SGCZ: variants seen among roughly 807,000 people sequenced by gnomAD.
SGCZ encodes the protein sarcoglycan zeta.
Under a neutral mutation model 41.3 loss-of-function variants are expected in SGCZ, and 40 were observed. That is an observed-to-expected ratio of 0.97 (90% CI 0.75 to 1.26). The LOEUF is 1.26. Ranked by LOEUF, SGCZ falls within the 50% of genes most tolerant of loss-of-function variation. The pLI, the probability that SGCZ is intolerant of heterozygous loss-of-function variation, is 0.00. For missense variants in SGCZ, 552 were observed against 369.8 expected (o/e 1.49, Z -4.04); for synonymous variants, 206 against 137.5 (o/e 1.50, Z -3.49).
chr8:14,624,933 C>T (rs1010460615), intron 1 of SGCZ, among the ~76,000 whole-genome samples: 1 of 152,048 alleles, frequency 6.6e-6, no homozygotes, highest in Non-Finnish European at 1.5e-5. Context: ...AGGTATAGAT[C>T]GTCCTTGATA....
intron 1 of SGCZ, among the ~76,000 whole-genome samples, chr8:15,010,614 A>G (rs907421170): frequency 9.2e-5 from 14 of 152,220 alleles, no homozygotes; most frequent in South Asian, 2.1e-4. Context: ...ATGAGGGTTG[A>G]CTGGAATGAA....
At chr8:14,102,094 ATATATAT>A (rs1166894451) in intron 7 of SGCZ, among the ~76,000 whole-genome samples, 1 of 104,152 alleles carries the variant, frequency 9.6e-6, no homozygotes, top group Non-Finnish European at 1.9e-5. Context: ...ATATATATAT[ATATATAT>A]ATAATTTTTT....
intron 2 of SGCZ, among the ~76,000 whole-genome samples, chr8:14,327,083 T>C (rs1326629039): frequency 6.6e-6 from 1 of 152,218 alleles, no homozygotes; most frequent in East Asian, 1.9e-4. Flanking sequence ...GTTACCAAAA[T>C]AGTGCATAGT....
chr8:14,592,280 A>G (rs926649887), intron 1 of SGCZ, among the ~76,000 whole-genome samples: 3 of 152,174 alleles, frequency 2.0e-5, no homozygotes, highest in Non-Finnish European at 2.9e-5. Flanking sequence ...ATCTTCAACA[A>G]TGAAGAATAA....
At chr8:14,652,958 T>A (rs1358508029) in intron 1 of SGCZ, among the ~76,000 whole-genome samples, 1 of 152,098 alleles carries the variant, frequency 6.6e-6, no homozygotes, top group Non-Finnish European at 1.5e-5. Flanking sequence ...TGAATATGGA[T>A]CATGTACATG....
At chr8:14,259,377 T>C (rs893112923) in intron 3 of SGCZ, among the ~76,000 whole-genome samples, 8 of 151,774 alleles carry the variant, frequency 5.3e-5, no homozygotes, top group Admixed American at 4.6e-4. Context: ...AGACATGAAG[T>C]CCTTGCCCAT....
In SGCZ at chr8:14,281,986, T is replaced by G. The variant is rs1220050233; in HGVS notation, c.336+42117A>C. Among the ~76,000 whole-genome samples the G allele has an allele frequency of 9.9e-5, 15 of 152,272 alleles. No homozygotes were observed. The East Asian group carries it at 2.3e-3, about 24-fold the overall frequency. On this transcript the variant is annotated intron_variant, in intron 3 of 7. Transcript: ENST00000382080. ...TCAATCCCCTTCTACAACATTGATC[T>G]AACCAAATGATTTCAGCTTAGTTTA...
chr8:14,450,270 G>C (rs1472659578), intron 2 of SGCZ, among the ~76,000 whole-genome samples: 2 of 152,124 alleles, frequency 1.3e-5, no homozygotes, highest in Admixed American at 1.3e-4. Flanking sequence ...ACCAAGCATC[G>C]TGATTCTTTC....
chr8:14,131,893 A>C (rs1490969350), intron 5 of SGCZ, among the ~76,000 whole-genome samples: 1 of 152,166 alleles, frequency 6.6e-6, no homozygotes, highest in Non-Finnish European at 1.5e-5. Flanking sequence ...ACCTAGGAGC[A>C]GTAGGTTATT....
intron 3 of SGCZ, among the ~76,000 whole-genome samples, chr8:14,268,031 C>G: frequency 6.6e-6 from 1 of 151,050 alleles, no homozygotes; most frequent in East Asian, 1.9e-4. Flanking sequence ...AAAGTTATAG[C>G]CTAATTTACT....
chr8:14,941,861 C>A lies in SGCZ; in HGVS notation c.39+295724G>T, dbSNP rs561947563. ...TATATATGTGTAAATATATGTACACCTTTATTCTATATTTTATATATATGT... is the reference window on the plus strand; with the variant it reads ...TATATATGTGTAAATATATGTACACATTTATTCTATATTTTATATATATGT... On this transcript the variant is annotated intron_variant, in intron 1 of 7. Coordinates refer to ENST00000382080, the MANE Select transcript of SGCZ (RefSeq NM_139167.4). Among the ~76,000 whole-genome samples, 3 of 150,866 alleles carry A rather than the reference C, an allele frequency of 2.0e-5. No homozygotes were observed. The South Asian group carries it at 6.3e-4, about 32-fold the overall frequency.
intron 2 of SGCZ, among the ~76,000 whole-genome samples, chr8:14,440,749 ACG>A (rs1414306101): frequency 4.8e-5 from 7 of 146,734 alleles, no homozygotes; most frequent in Admixed American, 1.4e-4. Flanking sequence ...GTATATACAT[ACG>A]TATACACGTA....
intron 1 of SGCZ, among the ~76,000 whole-genome samples, chr8:14,596,963 T>C (rs1805432446): frequency 6.6e-6 from 1 of 152,170 alleles, no homozygotes; most frequent in Non-Finnish European, 1.5e-5. Context: ...GTCATCAACC[T>C]TTGGGGAACC....
At chr8:14,216,317 C>T (rs1458460632) in intron 4 of SGCZ, among the ~76,000 whole-genome samples, 1 of 152,114 alleles carries the variant, frequency 6.6e-6, no homozygotes, top group African/African-American at 2.4e-5. Flanking sequence ...ATACTTTCTC[C>T]TACCACCCTG....
chr8:14,733,339 T>C (rs1200249401), intron 1 of SGCZ, among the ~76,000 whole-genome samples: 1 of 152,178 alleles, frequency 6.6e-6, no homozygotes, highest in Non-Finnish European at 1.5e-5. Context: ...GGATCTATAT[T>C]TCCTTCTCAT....
chr8:14,280,553 T>C (rs1418172662), intron 3 of SGCZ, among the ~76,000 whole-genome samples: 2 of 151,942 alleles, frequency 1.3e-5, no homozygotes, highest in Non-Finnish European at 2.9e-5. Context: ...TTTGTTTTAG[T>C]GGTATTGTTT....
intron 2 of SGCZ, among the ~76,000 whole-genome samples, chr8:14,517,380 C>T (rs1015267328): frequency 1.3e-5 from 2 of 152,090 alleles, no homozygotes; most frequent in Admixed American, 6.6e-5. Context: ...ATAAACTACA[C>T]TTGAGCATTC....
chr8:15,059,912 C>A (rs1804853966), intron 1 of SGCZ, among the ~76,000 whole-genome samples: 1 of 152,174 alleles, frequency 6.6e-6, no homozygotes, highest in Admixed American at 6.5e-5. Flanking sequence ...GGGAATAGAA[C>A]AATGGGTGTG....
rs567717336 is a variant in SGCZ, at chr8:14,230,350, T to C, written c.424+7242A>G. On this transcript the variant is annotated intron_variant, in intron 4 of 7. Transcript: ENST00000382080. ...CAAAAAAATCACAATCACTAACTTA[T>C]ACATAATGCATACTATGCTCCAGGA... 4.6e-5 allele frequency among the ~76,000 whole-genome samples: 7 copies of C among 152,250 alleles called. No homozygotes were observed. The South Asian group carries it at 6.2e-4, about 14-fold the overall frequency.
Sources: gnomAD v4.1 joint callset for allele counts (sites outside exome capture counted in the v4.1 genomes callset) on GRCh38, gnomAD v4.1.1 for gene constraint, MANE v1.5 for transcripts, NCBI Gene and HGNC (gene_info 2026-07-23, HGNC 2026-07-21) for gene names.